AKAP8: variants seen among roughly 807,000 people sequenced by gnomAD.
AKAP8 encodes A-kinase anchoring protein 8.
Under a neutral mutation model 67.5 loss-of-function variants are expected in AKAP8, and 24 were observed. That is an observed-to-expected ratio of 0.36 (90% CI 0.26 to 0.50). The LOEUF (loss-of-function observed/expected upper bound fraction) is 0.50, where lower values mean the gene tolerates loss of function less well. Among genes scored for constraint, AKAP8 ranks in the 20% least tolerant of loss-of-function variants. The probability of loss-of-function intolerance (pLI) is 0.97; values close to 1 mark genes in which losing one functional copy is unlikely to be tolerated. For synonymous variants in AKAP8, 400 were observed against 371.1 expected, an observed-to-expected ratio of 1.08 and a Z score of -0.90; for missense variants, 971 against 955.9, an observed-to-expected ratio of 1.02 and a Z score of -0.21.
At chr19:15,368,389 G>T in intron 8 of AKAP8, 67 bp from the exon 9 acceptor site, 1 of 1,607,214 alleles carries the variant, frequency 6.2e-7, no homozygotes. Flanking sequence ...CCAGGGCCTG[G>T]TCGGGGGGCT....
chr19:15,362,389 G>A (rs1350344686), intron 9 of AKAP8, 138 bp from the exon 10 acceptor site: 2 of 445,096 alleles, frequency 4.5e-6, no homozygotes, highest in Admixed American at 9.4e-5. Flanking sequence ...CTCTCCCCAC[G>A]GTCTCCCTCT....
intron 9 of AKAP8, among the ~76,000 whole-genome samples, chr19:15,367,055 C>A (rs1204299106): frequency 6.6e-6 from 1 of 152,148 alleles, no homozygotes; most frequent in Non-Finnish European, 1.5e-5. Flanking sequence ...TTACAGGCAC[C>A]TGCCACCATG....
At chr19:15,356,336 C>T (rs1367517715) in intron 13 of AKAP8, among the ~76,000 whole-genome samples, 1 of 151,926 alleles carries the variant, frequency 6.6e-6, no homozygotes, top group South Asian at 2.1e-4. Context: ...ACCTGGGAGG[C>T]GGAGCTTGCA....
intron 4 of AKAP8, 120 bp downstream of exon 4, chr19:15,373,666 C>T: frequency 1.6e-6 from 2 of 1,286,312 alleles, no homozygotes; most frequent in Non-Finnish European, 2.1e-6. Flanking sequence ...CCCAACTCGT[C>T]AATGCCACAC....
intron 3 of AKAP8, 126 bp from the exon 4 acceptor site, chr19:15,374,191 G>C (rs770627885): frequency 9.5e-6 from 11 of 1,159,370 alleles, no homozygotes; most frequent in Non-Finnish European, 1.3e-5. Flanking sequence ...AGTGCTGCTG[G>C]CATCACTTCA....
chr19:15,360,769 T>C lies in AKAP8; in HGVS notation c.1527+79A>G, dbSNP rs979026200. On this transcript the variant is annotated intron_variant, in intron 12 of 13. Coordinates refer to ENST00000269701, the MANE Select transcript of AKAP8 (RefSeq NM_005858.4). ...TAGCAAGAACCCCTAAAGATGTTGT[T>C]ATTCCCCATAAGACACAGCAGGCTC... The C allele has an allele frequency of 6.0e-6, 9 of 1,505,834 alleles. No individual in the cohort carries two copies. In the African/African-American group the frequency reaches 1.3e-4, roughly 21 times the overall value. The allele number at this position is 1,505,834 out of a possible 1,614,324, so 93.3% of individuals were successfully genotyped here.
rs921155994 is a variant in AKAP8 at position 15,370,150 on chromosome 19, T to C, written c.1068A>G (p.Gln356=). 2 of 1,613,998 alleles carry C rather than the reference T, an allele frequency of 1.2e-6. No homozygotes were observed. ...AAGGGACACGGTGATGCCTACCTCT[T>C]TGCCTCCCAGAGTCGCAGAGTTCAT... is the stretch of plus-strand genomic sequence containing the variant. The part of the protein sequence containing the change: ...GEDELCDSGR[Q]RGEKEDEDED... The change falls in exon 8 of 14, where the codon CAA becomes CAG. Residue 356 remains glutamine (Q), a synonymous_variant. Coordinates refer to ENST00000269701, the MANE Select transcript of AKAP8 (RefSeq NM_005858.4).
At chr19:15,362,895 T>C (rs1375699454) in intron 9 of AKAP8, among the ~76,000 whole-genome samples, 11 of 136,690 alleles carry the variant, frequency 8.0e-5, no homozygotes, top group Non-Finnish European at 1.4e-4. Context: ...CCGGCCGCCA[T>C]CCCATCTAGG....
chr19:15,373,051 A>C lies in AKAP8; in HGVS notation c.661T>G (p.Ser221Ala). 7 of 1,604,168 alleles carry C rather than the reference A, an allele frequency of 4.4e-6. No homozygotes were observed. Among genetic ancestry groups the C allele is most frequent in the Non-Finnish European group, 6.0e-6 (7 of 1,174,208 alleles). Reference protein sequence around the residue: ...VPPAASSEPLSTPWNELNYVG... With the variant: ...VPPAASSEPLATPWNELNYVG... ...TAGTTCAGCTCGTTCCAGGGCGTGG[A>C]CAGGGGCTCAGAGGACGCAGCGGGG... The change falls in exon 5 of 14, where the codon TCC (serine) becomes GCC (alanine). Residue 221 changes from serine to alanine, a missense_variant. Ser to Ala is a moderately conservative substitution (Grantham distance 99). Around this residue, in one of 3 missense-constraint regions of AKAP8, gnomAD observed 763 missense variants for 745.4 expected, o/e 1.02. Transcript: ENST00000269701.
At chr19:15,364,585 G>A (rs939653335) in intron 9 of AKAP8, among the ~76,000 whole-genome samples, 2 of 151,938 alleles carry the variant, frequency 1.3e-5, no homozygotes, top group African/African-American at 4.8e-5. Flanking sequence ...TCCTGACCTC[G>A]TGATTGACCC....
chr19:15,353,431 G>C lies in AKAP8; in HGVS notation c.*1484C>G, dbSNP rs879779904. 8.5e-5 allele frequency: 12 copies of C among 141,852 alleles called. No homozygotes were observed. The highest frequency in any genetic ancestry group is 3.1e-4 in the African/African-American group (12 of 38,578). 8.8% of individuals were successfully genotyped at this position (141,852 alleles called of 1,614,324 possible). A position where few individuals can be genotyped will look rare whatever the true frequency, so the allele number is the denominator to read the frequency against. On this transcript the variant is annotated 3_prime_UTR_variant, in exon 14 of 14. Transcript: ENST00000269701. ...TGCTACCGACATTTTTGCCTTAAGAGAACAAGCTTAAAAGGCATGCTCACC... is the reference window on the plus strand; with the variant it reads ...TGCTACCGACATTTTTGCCTTAAGACAACAAGCTTAAAAGGCATGCTCACC...
intron 13 of AKAP8, among the ~76,000 whole-genome samples, chr19:15,356,116 T>C (rs549841387): frequency 2.0e-5 from 3 of 151,814 alleles, no homozygotes; most frequent in South Asian, 4.2e-4. Flanking sequence ...AAAAAGGGCA[T>C]GAGGCCGGGC....
In AKAP8 at chr19:15,354,611, A is replaced by G. The variant is rs1428885954; in HGVS notation, c.*304T>C. Reference sequence around the variant, plus strand: ...AGCATTCCATCAGTGGCTGTATTGAACAAGTAATGTATCATCAAGATATAA... The same window carrying G: ...AGCATTCCATCAGTGGCTGTATTGAGCAAGTAATGTATCATCAAGATATAA... On this transcript the variant is annotated 3_prime_UTR_variant, in exon 14 of 14. Coordinates refer to ENST00000269701, the MANE Select transcript of AKAP8 (RefSeq NM_005858.4). 5.5e-6 allele frequency: 2 copies of G among 363,672 alleles called. No individual in the cohort carries two copies. Among genetic ancestry groups the G allele is most frequent in the Admixed American group, 8.4e-5 (2 of 23,676 alleles). 22.5% of individuals were successfully genotyped at this position (363,672 alleles called of 1,614,324 possible).
intron 5 of AKAP8, among the ~76,000 whole-genome samples, chr19:15,372,644 AT>A (rs1464654866): frequency 6.6e-6 from 1 of 152,134 alleles, no homozygotes; most frequent in African/African-American, 2.4e-5. Flanking sequence ...GGGGTGACTA[AT>A]GAGAAGAAGT....
rs917011855 is a variant in AKAP8 at position 15,360,853 on chromosome 19, G to A, written c.1522C>T (p.Arg508Cys). ...HLHSVDHNHN[R>C]RLAAEQFKKT... Reference sequence around the variant, plus strand: ...GTGTGGGGAGGAAGACTCACCCTGCGGTTGTGATTGTGGTCCACGGAGTGC... The same window carrying A: ...GTGTGGGGAGGAAGACTCACCCTGCAGTTGTGATTGTGGTCCACGGAGTGC... The change falls in exon 12 of 14, where the codon CGC becomes TGC. Residue 508 changes from arginine to cysteine, a missense_variant. Around this residue, in one of 3 missense-constraint regions of AKAP8, gnomAD observed 763 missense variants for 745.4 expected, o/e 1.02. Transcript: ENST00000269701. 6 of 1,612,696 alleles carry A rather than the reference G, an allele frequency of 3.7e-6. No homozygotes were observed. The Admixed American group carries it at 6.7e-5, about 18-fold the overall frequency.
intron 9 of AKAP8, among the ~76,000 whole-genome samples, chr19:15,363,522 G>A (rs1472215292): frequency 4.1e-5 from 6 of 146,894 alleles, no homozygotes; most frequent in South Asian, 4.3e-4. Flanking sequence ...CGCACCGTCC[G>A]GGAGGGAGGT....
At chr19:15,373,646 C>T in intron 4 of AKAP8, 140 bp downstream of exon 4, 2 of 1,110,206 alleles carry the variant, frequency 1.8e-6, no homozygotes, top group South Asian at 1.6e-5. Context: ...CATCACTGAC[C>T]CCCCACGAGC....
At chr19:15,372,508 G>C (rs893314956) in intron 5 of AKAP8, among the ~76,000 whole-genome samples, 161 bp from the exon 6 acceptor site, 5 of 152,090 alleles carry the variant, frequency 3.3e-5, no homozygotes, top group Admixed American at 6.6e-5. Flanking sequence ...AAATCATGCT[G>C]AGTGAAAAGA....
intron 6 of AKAP8, 45 bp downstream of exon 6, chr19:15,372,173 G>T (rs537920885): frequency 1.9e-6 from 3 of 1,610,252 alleles, no homozygotes; most frequent in South Asian, 1.1e-5. Context: ...GCAGGCAGCC[G>T]ACCCATCCTA....
Sources: allele counts gnomAD v4.1 joint callset (sites outside exome capture counted in the v4.1 genomes callset), GRCh38; gene constraint gnomAD v4.1.1; regional missense constraint gnomAD v4.1.1; transcripts MANE v1.5; gene names NCBI Gene and HGNC (gene_info 2026-07-23, HGNC 2026-07-21).